Variants in AFDN observed in about 807,000 individuals in gnomAD.
AFDN encodes the protein afadin.
AFDN carries 68 observed loss-of-function variants against 216.6 expected under a neutral mutation model. That is an observed-to-expected ratio of 0.31 (90% CI 0.26 to 0.38). The LOEUF (loss-of-function observed/expected upper bound fraction) is 0.38. AFDN is among the 10% of genes least tolerant of loss of function. The pLI, the probability that AFDN is intolerant of heterozygous loss-of-function variation, is 1.00. For synonymous variants in AFDN, 868 were observed against 853.7 expected (o/e 1.02, Z -0.29); for missense variants, 2,136 against 2,342.0 (o/e 0.91, Z 1.82).
chr6:167,892,760 T>C (rs1787769062), intron 8 of AFDN, among the ~76,000 whole-genome samples: 1 of 152,248 alleles, frequency 6.6e-6, no homozygotes. Context: ...AGAATTGTTA[T>C]TTCGACTGCT....
intron 1 of AFDN, among the ~76,000 whole-genome samples, chr6:167,858,113 T>G (rs1041392560): frequency 1.3e-5 from 2 of 152,216 alleles, no homozygotes; most frequent in African/African-American, 4.8e-5. Context: ...GGGAAAACTT[T>G]CACTTTTTGA....
chr6:167,966,524 C>G (rs1296686472), intron 32 of AFDN, among the ~76,000 whole-genome samples: 1 of 152,208 alleles, frequency 6.6e-6, no homozygotes, highest in Non-Finnish European at 1.5e-5. Flanking sequence ...TTTCTTTGAT[C>G]AGCTGACAAT....
chr6:167,916,642 T>G (rs531080069), intron 19 of AFDN, among the ~76,000 whole-genome samples: 1 of 152,126 alleles, frequency 6.6e-6, no homozygotes, highest in Non-Finnish European at 1.5e-5. Context: ...CTTAAAAACC[T>G]AGGACTTTTT....
chr6:167,947,253 A>G (rs935513559), intron 27 of AFDN, among the ~76,000 whole-genome samples: 20 of 150,816 alleles, frequency 1.3e-4, no homozygotes, highest in African/African-American at 2.4e-5. Context: ...GATCTCGGCT[A>G]ACTGCAAGCT....
intron 2 of AFDN, 179 bp downstream of exon 2, chr6:167,864,925 A>G (rs1562573396): frequency 2.6e-6 from 2 of 772,112 alleles, no homozygotes; most frequent in South Asian, 1.4e-5. Context: ...AAGTGTTCTT[A>G]TAAATCCCTG....
At chr6:167,898,606 A>G (rs185935064) in intron 11 of AFDN, 139 bp downstream of exon 11, 15 of 1,023,938 alleles carry the variant, frequency 1.5e-5, no homozygotes, top group African/African-American at 4.9e-5. Flanking sequence ...TTTGGTTCCT[A>G]TTGTTAACTT....
chr6:167,951,069 G>A lies in AFDN; in HGVS notation c.3832-117G>A. On this transcript the variant is annotated intron_variant, in intron 29 of 33. Transcript: ENST00000683244. This position sits in a 1 kb window ranked among gnomAD's most constrained non-coding sequence, Gnocchi z 7.1. ...CAATGAGCCTTGTAGGGCAGTCTCA[G>A]TCTCTTTCTGTACACTGATTTAACA... 1 of 1,402,630 alleles carries A rather than the reference G, an allele frequency of 7.1e-7. No individual in the cohort carries two copies. The highest frequency in any genetic ancestry group is 2.5e-5 in the East Asian group (1 of 39,390). The allele number at this position is 1,402,630 out of a possible 1,614,324, so 86.9% of individuals were successfully genotyped here. A position where few individuals can be genotyped will look rare whatever the true frequency, so the allele number is the denominator to read the frequency against.
intron 1 of AFDN, among the ~76,000 whole-genome samples, chr6:167,856,506 T>G (rs1782913758): frequency 6.6e-6 from 1 of 152,152 alleles, no homozygotes; most frequent in African/African-American, 2.4e-5. Context: ...AAATTGGTAG[T>G]TAAGTCTTGG....
At chr6:167,893,164 A>G (rs1787823682) in intron 8 of AFDN, among the ~76,000 whole-genome samples, 1 of 152,194 alleles carries the variant, frequency 6.6e-6, no homozygotes, top group South Asian at 2.1e-4. Flanking sequence ...GGGTGACCTA[A>G]GGGTTGGTGG....
chr6:167,848,196 T>C lies in AFDN; in HGVS notation c.106-16355T>C, dbSNP rs140356719. On this transcript the variant is annotated intron_variant, in intron 1 of 33. Coordinates refer to ENST00000683244, the MANE Select transcript of AFDN (RefSeq NM_001386888.1). ...TTTATTCGTAACTATCATGGTCACA[T>C]TTCTTTGACAACATGTTCCATGCCT... 8.9e-3 allele frequency among the ~76,000 whole-genome samples: 1,358 copies of C among 152,326 alleles called. 14 individuals carry two copies. The highest frequency in any genetic ancestry group is 0.015 in the Non-Finnish European group (1,019 of 68,030).
chr6:167,945,102 T>C (rs1795113696), intron 26 of AFDN, among the ~76,000 whole-genome samples: 1 of 150,834 alleles, frequency 6.6e-6, no homozygotes. Flanking sequence ...AACACAAACA[T>C]GTTGTACAAC....
chr6:167,885,356 T>A (rs1258506036), intron 6 of AFDN, among the ~76,000 whole-genome samples: 2 of 152,260 alleles, frequency 1.3e-5, no homozygotes, highest in Non-Finnish European at 2.9e-5. Context: ...GCTTTCGACA[T>A]GCCTTTCTCA....
chr6:167,947,490 C>T (rs1158799591), intron 27 of AFDN, among the ~76,000 whole-genome samples: 1 of 152,146 alleles, frequency 6.6e-6, no homozygotes, highest in Non-Finnish European at 1.5e-5. Flanking sequence ...ATATTTTTTA[C>T]ATTTTTAAAG....
intron 23 of AFDN, among the ~76,000 whole-genome samples, chr6:167,926,995 G>T (rs914463682): frequency 6.6e-6 from 1 of 152,272 alleles, no homozygotes; most frequent in South Asian, 2.1e-4. Flanking sequence ...CTGGAAGTTA[G>T]TTTATTTAAA....
At chr6:167,897,636 G>A (rs1056143411) in intron 10 of AFDN, among the ~76,000 whole-genome samples, 1 of 126,014 alleles carries the variant, frequency 7.9e-6, no homozygotes, top group East Asian at 2.5e-4. Flanking sequence ...TAAGATGACT[G>A]TATGCCTTTT....
At chr6:167,830,450 T>A (rs1779701260) in intron 1 of AFDN, among the ~76,000 whole-genome samples, 1 of 152,246 alleles carries the variant, frequency 6.6e-6, no homozygotes, top group African/African-American at 2.4e-5. Flanking sequence ...CCTTTATTCA[T>A]GACAAAATAT....
chr6:167,966,172 A>G, intron 32 of AFDN, 127 bp downstream of exon 32: 1 of 1,534,550 alleles, frequency 6.5e-7, no homozygotes, highest in Non-Finnish European at 8.7e-7. Flanking sequence ...AACTCATTCC[A>G]GCCACCCTCA....
chr6:167,934,711 T>C (rs958475715), intron 23 of AFDN, among the ~76,000 whole-genome samples: 1 of 152,194 alleles, frequency 6.6e-6, no homozygotes, highest in Non-Finnish European at 1.5e-5. Flanking sequence ...GCTCTTTTTT[T>C]TTTGGATTGT....
At chr6:167,883,956 G>C (rs1310664437) in intron 6 of AFDN, among the ~76,000 whole-genome samples, 1 of 152,192 alleles carries the variant, frequency 6.6e-6, no homozygotes, top group Non-Finnish European at 1.5e-5. Flanking sequence ...TTTCGGAATT[G>C]AAGTCAGTCC....
Sources: gnomAD v4.1 joint callset for allele counts (sites outside exome capture counted in the v4.1 genomes callset) on GRCh38, gnomAD v4.1.1 for gene constraint, Gnocchi (gnomAD v3.1) non-coding constraint, MANE v1.5 for transcripts, NCBI Gene and HGNC (gene_info 2026-07-23, HGNC 2026-07-21) for gene names.